SGCZ: variants seen among roughly 807,000 people sequenced by gnomAD.
The protein encoded by SGCZ is sarcoglycan zeta.
A neutral mutation model predicts 41.3 loss-of-function variants in SGCZ; 40 were observed. The ratio of observed to expected loss-of-function variants is 0.97; its 90% CI spans 0.75 to 1.26. The LOEUF (loss-of-function observed/expected upper bound fraction) is 1.26. Ranked by LOEUF, SGCZ falls within the 50% of genes most tolerant of loss-of-function variation. The probability of loss-of-function intolerance (pLI) is 0.00; values close to 1 mark genes in which losing one functional copy is unlikely to be tolerated. For synonymous variants in SGCZ, 206 were observed against 137.5 expected (o/e 1.50, Z -3.49); for missense variants, 552 against 369.8 (o/e 1.49, Z -4.04).
intron 2 of SGCZ, among the ~76,000 whole-genome samples, chr8:14,502,175 C>T (rs1270650822): frequency 6.6e-6 from 1 of 151,942 alleles, no homozygotes; most frequent in Non-Finnish European, 1.5e-5. Flanking sequence ...ATGATGGATC[C>T]TTGTATTCTT....
At chr8:14,660,082 T>C (rs973360211) in intron 1 of SGCZ, among the ~76,000 whole-genome samples, 1 of 152,134 alleles carries the variant, frequency 6.6e-6, no homozygotes, top group Non-Finnish European at 1.5e-5. Context: ...ACCTTGCTGG[T>C]GCCTTGAAAT....
chr8:15,146,317 G>A (rs1457701714), intron 1 of SGCZ, among the ~76,000 whole-genome samples: 3 of 152,052 alleles, frequency 2.0e-5, no homozygotes, highest in East Asian at 1.9e-4. Flanking sequence ...TAAATGTTAC[G>A]AATATAAGAG....
chr8:15,024,285 G>A (rs1000421204), intron 1 of SGCZ, among the ~76,000 whole-genome samples: 6 of 151,990 alleles, frequency 3.9e-5, no homozygotes, highest in African/African-American at 4.8e-5. Flanking sequence ...ATATAAAATC[G>A]ACACTTTCTT....
intron 1 of SGCZ, among the ~76,000 whole-genome samples, chr8:14,608,421 T>C (rs780114281): frequency 6.6e-6 from 1 of 151,580 alleles, no homozygotes; most frequent in Non-Finnish European, 1.5e-5. Flanking sequence ...GGCCACAGGA[T>C]ATTTTACTCA....
intron 1 of SGCZ, among the ~76,000 whole-genome samples, chr8:15,013,792 A>G (rs1802921143): frequency 6.6e-6 from 1 of 152,204 alleles, no homozygotes; most frequent in African/African-American, 2.4e-5. Context: ...TAATTAAGAA[A>G]AAACACACAT....
intron 3 of SGCZ, among the ~76,000 whole-genome samples, chr8:14,310,931 C>A (rs150155918): frequency 4.7e-4 from 72 of 152,116 alleles, no homozygotes; most frequent in African/African-American, 1.7e-3. Flanking sequence ...ATAAAATATC[C>A]ATGTCTGTGT....
chr8:14,263,280 G>T lies in SGCZ; in HGVS notation c.337-25601C>A, dbSNP rs145809171. 4.8e-3 allele frequency among the ~76,000 whole-genome samples: 735 copies of T among 152,248 alleles called. 8 individuals are homozygous for T. The highest frequency in any genetic ancestry group is 0.016 in the African/African-American group (657 of 41,554). On this transcript the variant is annotated intron_variant, in intron 3 of 7. Transcript: ENST00000382080. ...TGAAAAGATTTAAAAATCAGAAAAG[G>T]CCTCATGCCTGTAATCCCAGCACTT...
chr8:14,201,002 G>C (rs1463478897), intron 4 of SGCZ, among the ~76,000 whole-genome samples: 1 of 152,178 alleles, frequency 6.6e-6, no homozygotes, highest in African/African-American at 2.4e-5. Context: ...TGCATTAAAA[G>C]AAGGTATGCA....
chr8:14,141,237 C>T (rs1803360087), intron 5 of SGCZ, among the ~76,000 whole-genome samples: 1 of 151,586 alleles, frequency 6.6e-6, no homozygotes, highest in African/African-American at 2.4e-5. Context: ...AAACCTATAC[C>T]ATTCAGGACA....
At chr8:14,546,467 C>T (rs1222318144) in intron 2 of SGCZ, among the ~76,000 whole-genome samples, 9 of 152,226 alleles carry the variant, frequency 5.9e-5, no homozygotes, top group African/African-American at 2.2e-4. Context: ...TTCTGAAAAT[C>T]ATTGTTTCTT....
intron 1 of SGCZ, among the ~76,000 whole-genome samples, chr8:15,210,654 T>C (rs1801206618): frequency 6.6e-6 from 1 of 152,160 alleles, no homozygotes; most frequent in South Asian, 2.1e-4. Flanking sequence ...CTATGCAAAG[T>C]ATGAGCAATC....
At position 14,651,788 on chromosome 8, in the gene SGCZ, T is replaced by C. The variant is rs528529801; in HGVS notation, c.40-96862A>G. ...TCTACCCCATAAAAGATGCCCACTT[T>C]TCTACTCTGTAATAGATGTCTAGCC... On this transcript the variant is annotated intron_variant, in intron 1 of 7. Coordinates refer to ENST00000382080, the MANE Select transcript of SGCZ (RefSeq NM_139167.4). Among the ~76,000 whole-genome samples the C allele has an allele frequency of 1.4e-4, 21 of 152,218 alleles. No individual in the cohort carries two copies. The East Asian group carries it at 3.9e-3, about 28-fold the overall frequency.
At chr8:14,433,106 T>G (rs1254741807) in intron 2 of SGCZ, among the ~76,000 whole-genome samples, 1 of 152,040 alleles carries the variant, frequency 6.6e-6, no homozygotes, top group Non-Finnish European at 1.5e-5. Flanking sequence ...TTCACAAACA[T>G]GTTACATATG....
chr8:14,476,707 T>G (rs1320951021), intron 2 of SGCZ, among the ~76,000 whole-genome samples: 2 of 152,166 alleles, frequency 1.3e-5, no homozygotes, highest in Non-Finnish European at 2.9e-5. Flanking sequence ...TACAACAACT[T>G]GGTGAGATAG....
intron 2 of SGCZ, among the ~76,000 whole-genome samples, chr8:14,446,544 T>A (rs1800437045): frequency 1.3e-5 from 2 of 152,200 alleles, no homozygotes; most frequent in African/African-American, 4.8e-5. Flanking sequence ...AAGTTTGTTT[T>A]CCATAACAAT....
chr8:14,955,181 A>C (rs987610192), intron 1 of SGCZ, among the ~76,000 whole-genome samples: 3 of 152,192 alleles, frequency 2.0e-5, no homozygotes, highest in Non-Finnish European at 2.9e-5. Flanking sequence ...GAAGTTAAAA[A>C]AAAGAAAACT....
intron 4 of SGCZ, among the ~76,000 whole-genome samples, chr8:14,190,671 C>A (rs1020004888): frequency 2.0e-5 from 3 of 151,932 alleles, no homozygotes; most frequent in African/African-American, 7.3e-5. Context: ...GACGCGATCT[C>A]GGCTCACTAC....
intron 2 of SGCZ, among the ~76,000 whole-genome samples, chr8:14,526,889 C>T (rs930911173): frequency 4.2e-4 from 64 of 152,096 alleles, no homozygotes; most frequent in African/African-American, 1.3e-3. Flanking sequence ...GTTTAAAAGA[C>T]GGTCGGTGGC....
At position 14,361,267 on chromosome 8, in the gene SGCZ, C is replaced by T. The variant is rs567647501; in HGVS notation, c.235-37063G>A. ...TGGTAAAGTTCTCCTGGATAATATC[C>T]TGAAGAGCATTTTCTAACTTGGTTC... On this transcript the variant is annotated intron_variant, in intron 2 of 7. Coordinates refer to ENST00000382080, the MANE Select transcript of SGCZ (RefSeq NM_139167.4). Among the ~76,000 whole-genome samples, 316 of 152,270 alleles carry T rather than the reference C, an allele frequency of 2.1e-3. 4 individuals carry two copies. The highest frequency in any genetic ancestry group is 0.012 in the South Asian group (56 of 4,826).
Sources: allele counts gnomAD v4.1 joint callset (sites outside exome capture counted in the v4.1 genomes callset), GRCh38; gene constraint gnomAD v4.1.1; transcripts MANE v1.5; gene names NCBI Gene and HGNC (gene_info 2026-07-23, HGNC 2026-07-21).